The following RIMS1 variants were observed in gnomAD, a reference collection of about 807,000 sequenced individuals.
RIMS1 encodes regulating synaptic membrane exocytosis protein 1.
A neutral mutation model predicts 214.1 loss-of-function variants in RIMS1; 83 were observed. That is an observed-to-expected ratio of 0.39 (90% CI 0.32 to 0.47). The LOEUF is 0.47. Among genes scored for constraint, RIMS1 ranks in the 20% least tolerant of loss-of-function variants. The probability of loss-of-function intolerance (pLI) is 0.99; values close to 1 mark genes in which losing one functional copy is unlikely to be tolerated. For missense variants in RIMS1, 2,050 were observed against 2,161.8 expected, an observed-to-expected ratio of 0.95 and a Z score of 1.03; for synonymous variants, 793 against 786.8, an observed-to-expected ratio of 1.01 and a Z score of -0.13.
intron 2 of RIMS1, among the ~76,000 whole-genome samples, chr6:72,084,948 T>C (rs924102533): frequency 6.6e-6 from 1 of 152,180 alleles, no homozygotes; most frequent in African/African-American, 2.4e-5. Context: ...GTATGTAGAA[T>C]GATAGTCATC....
intron 2 of RIMS1, among the ~76,000 whole-genome samples, chr6:71,969,692 C>A (rs1795359687): frequency 6.6e-6 from 1 of 152,036 alleles, no homozygotes; most frequent in Non-Finnish European, 1.5e-5. Context: ...ATCTGTAATC[C>A]CAGCTACTTG....
intron 19 of RIMS1, chr6:72,262,590 C>A: frequency 1.0e-6 from 1 of 960,260 alleles, no homozygotes; most frequent in Non-Finnish European, 1.2e-6. Flanking sequence ...TTCAAAAATA[C>A]GTGCATGTAT....
chr6:72,003,525 G>A (rs1019858948), intron 2 of RIMS1, among the ~76,000 whole-genome samples: 47 of 152,080 alleles, frequency 3.1e-4, no homozygotes, highest in African/African-American at 1.1e-3. Flanking sequence ...GCTTACTCAA[G>A]TTAACAGATT....
At chr6:72,228,153 TAAG>T (rs993308196) in intron 6 of RIMS1, among the ~76,000 whole-genome samples, 3 of 152,080 alleles carry the variant, frequency 2.0e-5, no homozygotes, top group African/African-American at 4.8e-5. Context: ...TTTTTTGTAA[TAAG>T]AACACTTAAC....
chr6:72,142,903 A>G (rs2042246580), intron 4 of RIMS1, among the ~76,000 whole-genome samples: 1 of 152,204 alleles, frequency 6.6e-6, no homozygotes, highest in African/African-American at 2.4e-5. Flanking sequence ...TACATGGTTA[A>G]AACTCTTCTA....
At chr6:72,051,448 C>G (rs565665263) in intron 2 of RIMS1, among the ~76,000 whole-genome samples, 38 of 152,302 alleles carry the variant, frequency 2.5e-4, no homozygotes, top group African/African-American at 9.1e-4. Flanking sequence ...CAAGGTCACA[C>G]GCTAGTAAGT....
chr6:72,368,536 C>T (rs2098119201), intron 29 of RIMS1, among the ~76,000 whole-genome samples: 1 of 151,610 alleles, frequency 6.6e-6, no homozygotes, highest in Non-Finnish European at 1.5e-5. Context: ...CCTTGTGATC[C>T]ACCCGCCTCG....
At chr6:72,020,110 C>T (rs1000627277) in intron 2 of RIMS1, among the ~76,000 whole-genome samples, 2 of 152,172 alleles carry the variant, frequency 1.3e-5, no homozygotes, top group African/African-American at 2.4e-5. Context: ...ACAGTAATTA[C>T]ACTTATTTGG....
chr6:72,341,548 T>C (rs1222475277), intron 29 of RIMS1, among the ~76,000 whole-genome samples: 1 of 151,844 alleles, frequency 6.6e-6, no homozygotes, highest in Non-Finnish European at 1.5e-5. Context: ...CAATTTACTT[T>C]AACTTGTACT....
intron 4 of RIMS1, among the ~76,000 whole-genome samples, chr6:72,144,889 C>T (rs186208742): frequency 0.066 from 9,592 of 144,948 alleles, 483 homozygotes; most frequent in Non-Finnish European, 0.094. Context: ...TTTCTTTTTT[C>T]TTTTTTTTTT....
At position 72,306,550 on chromosome 6, in the gene RIMS1, A is replaced by G. The variant is rs147813716; in HGVS notation, c.3851-708A>G. ...GCTGCAATTCTTGCCCTCCTCTGCT[A>G]CTTAGGAGATTAATAAAAGCTTAAA... On this transcript the variant is annotated intron_variant, in intron 26 of 33. Coordinates refer to ENST00000521978, the MANE Select transcript of RIMS1 (RefSeq NM_014989.7). Among the ~76,000 whole-genome samples the G allele has an allele frequency of 4.6e-5, 7 of 152,326 alleles. No individual in the cohort carries two copies. In the East Asian group the frequency reaches 1.3e-3, roughly 29 times the overall value.
rs2052868661 is a variant in RIMS1, at chr6:72,206,164, A to C, written c.1678+23015A>C. 2.6e-5 allele frequency among the ~76,000 whole-genome samples: 4 copies of C among 152,184 alleles called. No individual in the cohort carries two copies. The South Asian group carries it at 8.3e-4, about 32-fold the overall frequency. On this transcript the variant is annotated intron_variant, in intron 6 of 33. Transcript: ENST00000521978. Reference sequence around the variant, plus strand: ...CCTTGGCTTTGCTTTTTTACCTTTCATGCATTCTTAAAGACCGATCAAGTT... The same window carrying C: ...CCTTGGCTTTGCTTTTTTACCTTTCCTGCATTCTTAAAGACCGATCAAGTT...
intron 29 of RIMS1, among the ~76,000 whole-genome samples, chr6:72,358,748 G>A (rs1595103299): frequency 6.6e-6 from 1 of 152,270 alleles, no homozygotes; most frequent in East Asian, 1.9e-4. Context: ...CATCCAGCAA[G>A]AGGAAAGACA....
chr6:71,887,178 C>G lies in RIMS1; in HGVS notation c.155C>G (p.Ala52Gly). Reference protein sequence around the residue: ...RQKEEEEKEEAMLKCVVRDMA... With the variant: ...RQKEEEEKEEGMLKCVVRDMA... ...AAGGAAGAGGAGGAAAAAGAAGAAG[C>G]CATGCTCAAGTAAGCCAGCCCCAGC... The change falls in exon 1 of 34, where the codon GCC becomes GGC. Residue 52 changes from alanine to glycine, a missense_variant. Coordinates refer to ENST00000521978, the MANE Select transcript of RIMS1 (RefSeq NM_014989.7). The G allele has an allele frequency of 6.2e-7, 1 of 1,607,300 alleles. No individual in the cohort carries two copies. The highest frequency in any genetic ancestry group is 2.2e-5 in the East Asian group (1 of 44,476).
chr6:72,202,397 C>T (rs1270738287), intron 6 of RIMS1, among the ~76,000 whole-genome samples: 6 of 152,164 alleles, frequency 3.9e-5, no homozygotes, highest in Non-Finnish European at 8.8e-5. Flanking sequence ...TTCTCTGTAT[C>T]TTCTCATGAT....
At chr6:72,092,889 TTGCCA>T (rs1481782331) in intron 2 of RIMS1, among the ~76,000 whole-genome samples, 1 of 152,062 alleles carries the variant, frequency 6.6e-6, no homozygotes, top group African/African-American at 2.4e-5. Context: ...ACCAACTCAC[TTGCCA>T]TGACCAACTA....
chr6:72,144,759 C>T (rs2042512616), intron 4 of RIMS1, among the ~76,000 whole-genome samples: 1 of 152,114 alleles, frequency 6.6e-6, no homozygotes, highest in South Asian at 2.1e-4. Context: ...TTTTGAGCTA[C>T]AGCTGGAGAT....
At chr6:72,299,692 G>A (rs960080159) in intron 26 of RIMS1, among the ~76,000 whole-genome samples, 9 of 151,658 alleles carry the variant, frequency 5.9e-5, no homozygotes, top group Admixed American at 3.3e-4. Context: ...GTAAAGAAGC[G>A]AAAAACATTA....
At chr6:72,042,228 G>A (rs1821650199) in intron 2 of RIMS1, among the ~76,000 whole-genome samples, 1 of 151,778 alleles carries the variant, frequency 6.6e-6, no homozygotes, top group Non-Finnish European at 1.5e-5. Context: ...GTAGAAAGAG[G>A]TCTCTGCTGC....
Sources: gnomAD v4.1 joint callset for allele counts (sites outside exome capture counted in the v4.1 genomes callset) on GRCh38, gnomAD v4.1.1 for gene constraint, MANE v1.5 for transcripts, NCBI Gene and HGNC (gene_info 2026-07-23, HGNC 2026-07-21) for gene names.